SOX13: variants seen among roughly 807,000 people sequenced by gnomAD.
SOX13 encodes SRY-box transcription factor 13.
SOX13 carries 28 observed loss-of-function variants against 71.8 expected under a neutral mutation model. The observed-to-expected ratio is 0.39, with a 90% CI of 0.29 to 0.53. The LOEUF is 0.53. SOX13 is among the 20% of genes least tolerant of loss of function. The probability of loss-of-function intolerance (pLI) is 0.70; values close to 1 mark genes in which losing one functional copy is unlikely to be tolerated. For synonymous variants in SOX13, 309 were observed against 317.8 expected (o/e 0.97, Z 0.29); for missense variants, 627 against 810.3 (o/e 0.77, Z 2.75).
Position 204,113,019 on chromosome 1 carries a change from A to G in SOX13, c.104A>G (p.Glu35Gly). The change falls in exon 2 of 14, where the codon GAG becomes GGG. Residue 35 changes from glutamate (E) to glycine (G), a missense_variant. Around this residue, in one of 3 missense-constraint regions of SOX13, gnomAD observed 447 missense variants for 532.2 expected, o/e 0.84. Transcript: ENST00000367204. ...GAGGAGAAGAAAGAGCCTTGCCACG[A>G]GGCCCCCCAGGGCTCAGCCACTGCC... ...KSEEKKEPCH[E>G]APQGSATAAE... The G allele has an allele frequency of 1.9e-6, 3 of 1,612,758 alleles. No individual in the cohort carries two copies. Among genetic ancestry groups the G allele is most frequent in the African/African-American group, 1.3e-5 (1 of 75,040 alleles).
chr1:204,111,786 G>A (rs1321072695), intron 1 of SOX13, among the ~76,000 whole-genome samples: 1 of 140,822 alleles, frequency 7.1e-6, no homozygotes, highest in Non-Finnish European at 1.5e-5. Context: ...CTCAAGTGAT[G>A]TGCCTTCCTC....
chr1:204,098,819 C>T (rs992852817), intron 1 of SOX13, among the ~76,000 whole-genome samples: 2 of 152,166 alleles, frequency 1.3e-5, no homozygotes, highest in Admixed American at 6.5e-5. Context: ...GGGAAGATAC[C>T]GTGGGTAGGA....
intron 1 of SOX13, among the ~76,000 whole-genome samples, chr1:204,086,666 G>A (rs750652240): frequency 6.6e-6 from 1 of 152,194 alleles, no homozygotes; most frequent in Non-Finnish European, 1.5e-5. Context: ...GAGTCAGAAA[G>A]TTTGGAAGTT....
Position 204,122,383 on chromosome 1 carries a change from C to T in SOX13, c.1008C>T (p.Pro336=), listed in dbSNP as rs138035495. The T allele has an allele frequency of 5.8e-6, 9 of 1,564,512 alleles. No homozygotes were observed. Among genetic ancestry groups the T allele is most frequent in the Non-Finnish European group, 7.8e-6 (9 of 1,154,882 alleles). ...CCACGCGGGACCTGCAGTCCAGCCCCCCGAGCCTGCCTCTGGGTAAGCCTC... is the reference window on the plus strand; with the variant it reads ...CCACGCGGGACCTGCAGTCCAGCCCTCCGAGCCTGCCTCTGGGTAAGCCTC... ...GGPTRDLQSS[P]PSLPLGFLGE... Residue 336 remains proline, a synonymous_variant, in exon 9 of 14, where the codon CCC becomes CCT. Transcript: ENST00000367204.
At chr1:204,125,718 C>A in intron 13 of SOX13, 140 bp from the exon 14 acceptor site, 1 of 938,222 alleles carries the variant, frequency 1.1e-6, no homozygotes, top group Non-Finnish European at 1.6e-6. Flanking sequence ...CATCAGAAAG[C>A]AGGCTGGGGG....
chr1:204,103,478 G>A (rs1231512120), intron 1 of SOX13, among the ~76,000 whole-genome samples: 1 of 152,258 alleles, frequency 6.6e-6, no homozygotes, highest in Admixed American at 6.5e-5. Flanking sequence ...AGTCTTTGTA[G>A]TGTTCTTGTG....
intron 7 of SOX13, among the ~76,000 whole-genome samples, chr1:204,121,117 T>C (rs1298129206): frequency 6.6e-6 from 1 of 151,972 alleles, no homozygotes; most frequent in Non-Finnish European, 1.5e-5. Context: ...ATATCTGGGA[T>C]TACAGGCGCG....
chr1:204,091,275 C>G (rs972194516), intron 1 of SOX13, among the ~76,000 whole-genome samples: 2 of 152,192 alleles, frequency 1.3e-5, no homozygotes, highest in Non-Finnish European at 2.9e-5. Context: ...CCATGCTGCT[C>G]ACGGCTTTGG....
At chr1:204,089,523 A>T (rs1159796238) in intron 1 of SOX13, among the ~76,000 whole-genome samples, 1 of 152,124 alleles carries the variant, frequency 6.6e-6, no homozygotes, top group Non-Finnish European at 1.5e-5. Context: ...GGAACAGGGG[A>T]GCAGCTGTGT....
chr1:204,103,878 G>C (rs999213954), intron 1 of SOX13, among the ~76,000 whole-genome samples: 3 of 152,208 alleles, frequency 2.0e-5, no homozygotes, highest in Non-Finnish European at 2.9e-5. Context: ...ACCTCTTCTC[G>C]GTTTGGGACC....
chr1:204,111,655 C>T (rs138157514), intron 1 of SOX13, among the ~76,000 whole-genome samples: 135 of 152,214 alleles, frequency 8.9e-4, no homozygotes, highest in African/African-American at 3.1e-3. Flanking sequence ...AGCTAGATAC[C>T]GGAAAATATT....
chr1:204,094,803 A>G (rs1656217883), intron 1 of SOX13, among the ~76,000 whole-genome samples: 1 of 152,174 alleles, frequency 6.6e-6, no homozygotes, highest in Non-Finnish European at 1.5e-5. Flanking sequence ...TAAAGCACCA[A>G]ATCAGAAAAT....
Position 204,114,581 on chromosome 1 carries a change from T to C in SOX13, c.394T>C (p.Ser132Pro). The change falls in exon 4 of 14, where the codon TCT (serine) becomes CCT (proline). Residue 132 changes from serine to proline, a missense_variant. Physicochemically the swap from Ser to Pro is moderately conservative, Grantham distance 74 (BLOSUM62 -1). Coordinates refer to ENST00000367204, the MANE Select transcript of SOX13 (RefSeq NM_005686.3). The part of the protein sequence containing the change: ...DWKERFLGRN[S>P]MEAKDVKGTQ... Reference sequence around the variant, plus strand: ...GAAGGAGAGGTTTCTAGGAAGGAACTCTATGGAAGCCAAAGATGTCAAAGG... The same window carrying C: ...GAAGGAGAGGTTTCTAGGAAGGAACCCTATGGAAGCCAAAGATGTCAAAGG... 3.1e-6 allele frequency: 5 copies of C among 1,613,582 alleles called. No homozygotes were observed. The highest frequency in any genetic ancestry group is 2.2e-5 in the South Asian group (2 of 91,080).
chr1:204,123,664 C>T lies in SOX13; in HGVS notation c.1235C>T (p.Ser412Phe). The change falls in exon 12 of 14, where the codon TCC becomes TTC. Residue 412 changes from serine to phenylalanine, a missense_variant. Transcript: ENST00000367204. This position sits in a 1 kb window ranked among gnomAD's most constrained non-coding sequence, Gnocchi z 5.0. ...EAMLSCDMDG[S>F]RHFPESRNSS... Reference sequence around the variant, plus strand: ...TGACTTCACTCCTGTCTCCCAGGCTCCCGCCACTTCCCCGAGTCCCGAAAC... The same window carrying T: ...TGACTTCACTCCTGTCTCCCAGGCTTCCGCCACTTCCCCGAGTCCCGAAAC... The T allele has an allele frequency of 4.3e-6, 7 of 1,613,510 alleles. No individual in the cohort carries two copies. The highest frequency in any genetic ancestry group is 5.1e-6 in the Non-Finnish European group (6 of 1,179,786).
chr1:204,109,357 G>A (rs770796542), intron 1 of SOX13, among the ~76,000 whole-genome samples: 13 of 152,192 alleles, frequency 8.5e-5, no homozygotes, highest in Non-Finnish European at 1.6e-4. Context: ...GTCAACGACC[G>A]AACACATATA....
intron 9 of SOX13, 41 bp downstream of exon 9, chr1:204,122,440 A>AG: frequency 6.5e-7 from 1 of 1,528,354 alleles, no homozygotes; most frequent in Non-Finnish European, 8.8e-7. Context: ...CAGCCCTCTT[A>AG]GGGGAGAGCC....
chr1:204,123,657 C>G lies in SOX13; in HGVS notation c.1232-4C>G, dbSNP rs12088948. ...GCTTGGCTGACTTCACTCCTGTCTC[C>G]CAGGCTCCCGCCACTTCCCCGAGTC... On this transcript the variant is annotated splice_polypyrimidine_tract_variant and splice_region_variant and intron_variant, in intron 11 of 13. Transcript: ENST00000367204. The surrounding 1 kb of genome is among the most constrained non-coding windows in gnomAD (Gnocchi z 5.0). 13,941 of 1,612,496 alleles carry G rather than the reference C, an allele frequency of 8.6e-3. 775 individuals are homozygous for G. In the African/African-American group the frequency reaches 0.14, roughly 16 times the overall value.
chr1:204,125,954 C>A lies in SOX13; in HGVS notation c.1689C>A (p.Val563=). The change falls in exon 14 of 14, where the codon GTC becomes GTA. Residue 563 remains valine, a synonymous_variant. Coordinates refer to ENST00000367204, the MANE Select transcript of SOX13 (RefSeq NM_005686.3). The part of the protein sequence containing the change: ...PLAQPLVEHY[V]PRSLDPNMPV... ...CACAGCCACTGGTGGAGCACTATGT[C>A]CCTCGTAGCCTGGACCCCAACATGC... 1 of 1,613,876 alleles carries A rather than the reference C, an allele frequency of 6.2e-7. No individual in the cohort carries two copies. Among genetic ancestry groups the A allele is most frequent in the Non-Finnish European group, 8.5e-7 (1 of 1,179,870 alleles).
At chr1:204,082,541 C>T (rs577337121) in intron 1 of SOX13, among the ~76,000 whole-genome samples, 13 of 152,226 alleles carry the variant, frequency 8.5e-5, no homozygotes, top group Non-Finnish European at 4.4e-5. Flanking sequence ...ACTTTGTTTC[C>T]GGGGCAGTCA....
Sources: allele counts gnomAD v4.1 joint callset (sites outside exome capture counted in the v4.1 genomes callset), GRCh38; gene constraint gnomAD v4.1.1; regional missense constraint gnomAD v4.1.1; non-coding constraint Gnocchi (gnomAD v3.1); transcripts MANE v1.5; gene names NCBI Gene and HGNC (gene_info 2026-07-23, HGNC 2026-07-21).